Variants in ADAM18 observed in about 807,000 individuals in gnomAD.
ADAM18 encodes the protein disintegrin and metalloproteinase domain-containing protein 18.
A neutral mutation model predicts 94.4 loss-of-function variants in ADAM18; 117 were observed. That is an observed-to-expected ratio of 1.24 (90% confidence interval 1.07 to 1.45). The LOEUF is 1.45. Ranked by LOEUF, ADAM18 falls within the 40% of genes most tolerant of loss-of-function variation. The probability of loss-of-function intolerance (pLI) is 0.00; values close to 1 mark genes in which losing one functional copy is unlikely to be tolerated. For missense variants in ADAM18, 936 were observed against 880.0 expected (o/e 1.06, Z -0.81); for synonymous variants, 327 against 291.6 (o/e 1.12, Z -1.24).
At chr8:39,637,824 T>C in intron 9 of ADAM18, 121 bp downstream of exon 9, 1 of 869,052 alleles carries the variant, frequency 1.2e-6, no homozygotes, top group Non-Finnish European at 1.6e-6. Context: ...TAAAAATTAG[T>C]AGCCTTTGTC....
chr8:39,656,685 G>A (rs1820692924), intron 12 of ADAM18, among the ~76,000 whole-genome samples: 1 of 152,058 alleles, frequency 6.6e-6, no homozygotes, highest in African/African-American at 2.4e-5. Flanking sequence ...AATGTGACAG[G>A]AGATATGTAC....
Position 39,598,606 on chromosome 8 carries a change from A to G in ADAM18, c.133-7701A>G, listed in dbSNP as rs200984487. ...AACATGGCAAAACCTGGTCTCTACT[A>G]AAAATATGAAAATTAACAGGATGTG... On this transcript the variant is annotated intron_variant, in intron 2 of 19. Coordinates refer to ENST00000265707, the MANE Select transcript of ADAM18 (RefSeq NM_014237.3). Among the ~76,000 whole-genome samples, 14 of 151,982 alleles carry G rather than the reference A, an allele frequency of 9.2e-5. No individual in the cohort carries two copies. The East Asian group carries it at 2.6e-3, about 28-fold the overall frequency.
At chr8:39,722,040 C>T (rs1822765263) in intron 18 of ADAM18, among the ~76,000 whole-genome samples, 1 of 150,040 alleles carries the variant, frequency 6.7e-6, no homozygotes, top group Non-Finnish European at 1.5e-5. Flanking sequence ...TATATGCACA[C>T]ACATATATAT....
chr8:39,700,825 C>T (rs1481588434), intron 17 of ADAM18, among the ~76,000 whole-genome samples: 3 of 151,612 alleles, frequency 2.0e-5, no homozygotes, highest in Non-Finnish European at 4.4e-5. Context: ...ACTTTTTTCC[C>T]CACCAACTAT....
intron 14 of ADAM18, among the ~76,000 whole-genome samples, chr8:39,669,285 A>T (rs1227852689): frequency 1.3e-5 from 2 of 149,786 alleles, no homozygotes; most frequent in African/African-American, 2.4e-5. Flanking sequence ...GTTTTTTTTA[A>T]ATTTTATTAT....
chr8:39,650,817 C>T (rs2129579672), intron 12 of ADAM18, among the ~76,000 whole-genome samples: 1 of 152,288 alleles, frequency 6.6e-6, no homozygotes, highest in Admixed American at 6.5e-5. Context: ...TCCCCCTCCA[C>T]ACCTGTGGGC....
At chr8:39,593,345 A>T (rs2129458089) in intron 2 of ADAM18, among the ~76,000 whole-genome samples, 1 of 152,320 alleles carries the variant, frequency 6.6e-6, no homozygotes, top group South Asian at 2.1e-4. Flanking sequence ...ATTCAGTGCA[A>T]TCCCAATCAA....
At chr8:39,680,578 A>C (rs1169554682) in intron 16 of ADAM18, among the ~76,000 whole-genome samples, 1 of 152,202 alleles carries the variant, frequency 6.6e-6, no homozygotes, top group South Asian at 2.1e-4. Flanking sequence ...TTCTTAAATT[A>C]TTTGATTTGT....
chr8:39,677,372 T>C, intron 14 of ADAM18, 59 bp from the exon 15 acceptor site: 1 of 1,368,500 alleles, frequency 7.3e-7, no homozygotes, highest in East Asian at 2.4e-5. Flanking sequence ...AGTCTGTTAC[T>C]GACAAACATT....
chr8:39,604,853 A>G (rs1360870317), intron 2 of ADAM18: 1 of 152,156 alleles, frequency 6.6e-6, no homozygotes, highest in Non-Finnish European at 1.5e-5. Context: ...GTGATTTGAT[A>G]AATTACTCCT....
chr8:39,620,461 A>G (rs964545516), intron 6 of ADAM18, among the ~76,000 whole-genome samples: 1 of 149,026 alleles, frequency 6.7e-6, no homozygotes, highest in African/African-American at 2.4e-5. Flanking sequence ...ACAACAAACT[A>G]AAAAGCTTTT....
chr8:39,672,726 C>T (rs565420471), intron 14 of ADAM18, among the ~76,000 whole-genome samples: 23 of 152,256 alleles, frequency 1.5e-4, no homozygotes, highest in Middle Eastern at 3.4e-3. Flanking sequence ...CTCATATGTT[C>T]CCATATGGAC....
intron 7 of ADAM18, among the ~76,000 whole-genome samples, chr8:39,636,836 A>G (rs1820086466): frequency 6.6e-6 from 1 of 151,320 alleles, no homozygotes; most frequent in South Asian, 2.1e-4. Flanking sequence ...CTTTGTTTCC[A>G]TGTATTTGAA....
intron 12 of ADAM18, among the ~76,000 whole-genome samples, chr8:39,663,086 C>G (rs1193289575): frequency 6.6e-6 from 1 of 152,016 alleles, no homozygotes. Flanking sequence ...AATTGGAATC[C>G]TTAGTAAACA....
chr8:39,632,182 A>C (rs1819949061), intron 7 of ADAM18, among the ~76,000 whole-genome samples: 1 of 151,782 alleles, frequency 6.6e-6, no homozygotes, highest in Non-Finnish European at 1.5e-5. Context: ...TTATGTATAC[A>C]TGTATTTAGT....
chr8:39,704,076 T>C (rs1239811771), intron 17 of ADAM18, among the ~76,000 whole-genome samples: 1 of 152,022 alleles, frequency 6.6e-6, no homozygotes, highest in African/African-American at 2.4e-5. Flanking sequence ...ATAAATAGCC[T>C]ACCAACCAAA....
chr8:39,620,585 A>T, intron 6 of ADAM18, among the ~76,000 whole-genome samples: 1 of 147,212 alleles, frequency 6.8e-6, no homozygotes, highest in East Asian at 2.0e-4. Flanking sequence ...TATATGTAAT[A>T]TATAATATAT....
At chr8:39,705,049 T>C (rs1822202360) in intron 17 of ADAM18, among the ~76,000 whole-genome samples, 1 of 152,148 alleles carries the variant, frequency 6.6e-6, no homozygotes, top group South Asian at 2.1e-4. Context: ...AATGACACTT[T>C]TGTTGTTTAA....
chr8:39,589,754 A>G (rs1230687771), intron 2 of ADAM18, among the ~76,000 whole-genome samples: 1 of 152,100 alleles, frequency 6.6e-6, no homozygotes, highest in African/African-American at 2.4e-5. Flanking sequence ...AGTACTCCTG[A>G]GTCATATTCT....
Sources: gnomAD v4.1 joint callset for allele counts (sites outside exome capture counted in the v4.1 genomes callset) on GRCh38, gnomAD v4.1.1 for gene constraint, MANE v1.5 for transcripts, NCBI Gene and HGNC (gene_info 2026-07-23, HGNC 2026-07-21) for gene names.